NXPE4: variants seen among roughly 807,000 people sequenced by gnomAD.
NXPE4 encodes the protein NXPE family member 4.
A neutral mutation model predicts 33.3 loss-of-function variants in NXPE4; 42 were observed. The ratio of observed to expected loss-of-function variants is 1.26; its 90% CI spans 0.98 to 1.63. The LOEUF (loss-of-function observed/expected upper bound fraction) is 1.63. Among genes scored for constraint, NXPE4 ranks in the 40% most tolerant of loss-of-function variants. NXPE4 has a pLI of 0.00. For missense variants in NXPE4, 709 were observed against 647.6 expected (o/e 1.09, Z -1.03); for synonymous variants, 253 against 234.9 (o/e 1.08, Z -0.71).
chr11:114,579,784 C>G (rs1005604668), intron 5 of NXPE4, among the ~76,000 whole-genome samples: 8 of 152,164 alleles, frequency 5.3e-5, no homozygotes, highest in Non-Finnish European at 1.2e-4. Flanking sequence ...TTGTCTGGTT[C>G]TAGAATCATA....
At chr11:114,614,735 A>T in the NXPE4 span, among the ~76,000 whole-genome samples, 1 of 151,264 alleles carries the variant, frequency 6.6e-6, no homozygotes, top group African/African-American at 2.4e-5. Flanking sequence ...CTCCTGCGTA[A>T]CCAGTGTTAC....
At chr11:114,592,397 A>T (rs1220618957) in intron 2 of NXPE4, among the ~76,000 whole-genome samples, 3 of 152,132 alleles carry the variant, frequency 2.0e-5, no homozygotes, top group Non-Finnish European at 2.9e-5. Context: ...ACCTGAAAAA[A>T]TATCAAAAAA....
chr11:114,634,481 G>C, the NXPE4 span, among the ~76,000 whole-genome samples: 6 of 152,072 alleles, frequency 3.9e-5, no homozygotes, highest in Non-Finnish European at 8.8e-5. Context: ...GATCCCACTT[G>C]TCAATTTTGG....
At chr11:114,618,822 G>A in the NXPE4 span, among the ~76,000 whole-genome samples, 2 of 152,016 alleles carry the variant, frequency 1.3e-5, no homozygotes, top group Non-Finnish European at 1.5e-5. Context: ...TGGATAGTAA[G>A]TATTGCCTCG....
chr11:114,594,788 A>G lies in NXPE4; in HGVS notation c.-10-19T>C. ...TAGGATCCTACAAGAGACAATACAA[A>G]AACAAGCACAAAAACATACAACAAA... On this transcript the variant is annotated intron_variant, in intron 1 of 5. Transcript: ENST00000375478. The G allele has an allele frequency of 8.4e-7, 1 of 1,191,522 alleles. No homozygotes were observed. Among genetic ancestry groups the G allele is most frequent in the Non-Finnish European group, 1.2e-6 (1 of 824,542 alleles). The allele number at this position is 1,191,522 out of a possible 1,614,324, so 73.8% of individuals were successfully genotyped here.
the NXPE4 span, among the ~76,000 whole-genome samples, chr11:114,614,008 G>A: frequency 1.3e-5 from 2 of 151,832 alleles, no homozygotes; most frequent in East Asian, 3.9e-4. Flanking sequence ...TTACCCAGTG[G>A]AAAATAAGTA....
At chr11:114,634,977 G>A in the NXPE4 span, among the ~76,000 whole-genome samples, 1 of 152,006 alleles carries the variant, frequency 6.6e-6, no homozygotes, top group Non-Finnish European at 1.5e-5. Context: ...GAACTTTAAA[G>A]TAGTTTTTTC....
the NXPE4 span, among the ~76,000 whole-genome samples, chr11:114,621,332 A>G: frequency 1.2e-3 from 188 of 152,210 alleles, no homozygotes; most frequent in African/African-American, 4.5e-3. Context: ...TACCCGCTGG[A>G]TAATAAGTGT....
At chr11:114,664,238 A>C in the NXPE4 span, among the ~76,000 whole-genome samples, 1 of 152,202 alleles carries the variant, frequency 6.6e-6, no homozygotes, top group Admixed American at 6.5e-5. Flanking sequence ...GCAGTATGCC[A>C]AGAAAAAGAA....
chr11:114,639,564 C>T, the NXPE4 span, among the ~76,000 whole-genome samples: 2 of 150,872 alleles, frequency 1.3e-5, no homozygotes, highest in Non-Finnish European at 2.9e-5. Flanking sequence ...CTGCATCGCT[C>T]AGGCCGGGAG....
the NXPE4 span, among the ~76,000 whole-genome samples, chr11:114,647,999 C>T: frequency 7.9e-5 from 12 of 152,058 alleles, no homozygotes; most frequent in African/African-American, 2.4e-4. Context: ...TGTTGCCGGC[C>T]GACTTAACGT....
chr11:114,604,160 A>G, the NXPE4 span, among the ~76,000 whole-genome samples: 1 of 151,956 alleles, frequency 6.6e-6, no homozygotes, highest in Non-Finnish European at 1.5e-5. Context: ...GAAAATAAGT[A>G]TTGCCTCGCA....
chr11:114,632,450 A>T, the NXPE4 span, among the ~76,000 whole-genome samples: 1,966 of 130,184 alleles, frequency 0.015, 60 homozygotes, highest in African/African-American at 0.051. Flanking sequence ...TATATAATTT[A>T]TAAGAGTTAT....
At chr11:114,583,687 C>A (rs1179077215) in intron 2 of NXPE4, 4 of 579,576 alleles carry the variant, frequency 6.9e-6, no homozygotes, top group Non-Finnish European at 6.9e-6. Flanking sequence ...CAAAGAAGTT[C>A]AAGGCATCTG....
At chr11:114,631,682 A>T in the NXPE4 span, among the ~76,000 whole-genome samples, 1 of 151,680 alleles carries the variant, frequency 6.6e-6, no homozygotes, top group Non-Finnish European at 1.5e-5. Flanking sequence ...TATATAAAAA[A>T]AGTATTGCCT....
chr11:114,669,252 A>G, the NXPE4 span, among the ~76,000 whole-genome samples: 4 of 152,088 alleles, frequency 2.6e-5, no homozygotes, highest in African/African-American at 9.7e-5. Context: ...ATGAATAAAC[A>G]TTTTTTGAAG....
chr11:114,656,925 T>A, the NXPE4 span, among the ~76,000 whole-genome samples: 2 of 152,166 alleles, frequency 1.3e-5, no homozygotes, highest in South Asian at 4.2e-4. Flanking sequence ...ACCCCGTCTC[T>A]ACTAAAAATA....
In NXPE4 at chr11:114,582,176, C is replaced by T. The variant is rs1949161460; in HGVS notation, c.830+112G>A. ...AATTCACAGATCCTTTCCCCAAAGG[C>T]TCTTACTAAAGACACCCAAAATTAA... On this transcript the variant is annotated intron_variant, in intron 3 of 5. Coordinates refer to ENST00000375478, the MANE Select transcript of NXPE4 (RefSeq NM_001077639.2). 9.8e-6 allele frequency: 11 copies of T among 1,125,352 alleles called. No individual in the cohort carries two copies. In the South Asian group the frequency reaches 1.7e-4, roughly 18 times the overall value. The allele number at this position is 1,125,352 out of a possible 1,614,324, so 69.7% of individuals were successfully genotyped here.
chr11:114,667,110 T>C, the NXPE4 span, among the ~76,000 whole-genome samples: 4 of 152,140 alleles, frequency 2.6e-5, no homozygotes, highest in East Asian at 7.7e-4. Flanking sequence ...GTGATGGCCA[T>C]GTGGTCCAGT....
Sources: allele counts gnomAD v4.1 joint callset (sites outside exome capture counted in the v4.1 genomes callset), GRCh38; gene constraint gnomAD v4.1.1; transcripts MANE v1.5; gene names NCBI Gene and HGNC (gene_info 2026-07-23, HGNC 2026-07-21).